Variants in PAX7 observed in about 807,000 individuals in gnomAD.
PAX7 encodes the protein paired box 7.
In PAX7, 18 loss-of-function variants were observed where a neutral mutation model predicts 50.7. The observed-to-expected ratio is 0.36, with a 90% confidence interval of 0.25 to 0.53. The LOEUF (loss-of-function observed/expected upper bound fraction) is 0.53, where lower values mean the gene tolerates loss of function less well. Ranked by LOEUF, PAX7 falls within the 20% of genes least tolerant of loss-of-function variation. The probability of loss-of-function intolerance (pLI) is 0.93; values close to 1 mark genes in which losing one functional copy is unlikely to be tolerated. For synonymous variants in PAX7, 310 were observed against 290.4 expected, an observed-to-expected ratio of 1.07 and a Z score of -0.69; for missense variants, 644 against 702.9, an observed-to-expected ratio of 0.92 and a Z score of 0.95.
At chr1:18,654,615 G>A (rs1485220855) in intron 4 of PAX7, among the ~76,000 whole-genome samples, 1 of 152,232 alleles carries the variant, frequency 6.6e-6, no homozygotes, top group Admixed American at 6.5e-5. Context: ...ACAACAGCGG[G>A]TGGGCTGCAA....
At chr1:18,721,422 G>T (rs2089492350) in intron 7 of PAX7, among the ~76,000 whole-genome samples, 1 of 152,282 alleles carries the variant, frequency 6.6e-6, no homozygotes, top group Admixed American at 6.5e-5. Flanking sequence ...TCCCTTCCTG[G>T]TTCCTCCCTC....
chr1:18,719,444 A>G (rs1442158440), intron 7 of PAX7, among the ~76,000 whole-genome samples: 1 of 152,232 alleles, frequency 6.6e-6, no homozygotes, highest in Non-Finnish European at 1.5e-5. Context: ...CTCGGAACCC[A>G]GCCCCTAGGC....
chr1:18,681,745 A>ATTTTAT (rs1570164566), intron 4 of PAX7, among the ~76,000 whole-genome samples: 4 of 41,860 alleles, frequency 9.6e-5, no homozygotes, highest in East Asian at 4.8e-4. Flanking sequence ...ATTTTATTTT[A>ATTTTAT]TTTTATTTTT....
intron 4 of PAX7, among the ~76,000 whole-genome samples, chr1:18,675,643 G>C (rs1447282689): frequency 6.6e-6 from 1 of 152,204 alleles, no homozygotes; most frequent in Non-Finnish European, 1.5e-5. Flanking sequence ...GAGACTCTTA[G>C]CCAGGAAGCC....
Position 18,673,993 on chromosome 1 carries a change from T to C in PAX7, c.587-17761T>C, listed in dbSNP as rs140206073. On this transcript the variant is annotated intron_variant, in intron 4 of 8. Transcript: ENST00000420770. ...AGGTGTCTGGTGTTGCATAAATACA[T>C]CTCTAATGAAATTATTGTACAAAAC... Among the ~76,000 whole-genome samples, 1,119 of 152,310 alleles carry C rather than the reference T, an allele frequency of 7.3e-3. 8 individuals carry two copies. Among genetic ancestry groups the C allele is most frequent in the Admixed American group, 0.014 (212 of 15,296 alleles).
chr1:18,736,088 T>A, intron 8 of PAX7: 2 of 842,394 alleles, frequency 2.4e-6, no homozygotes, highest in Middle Eastern at 2.2e-4. Context: ...GCTAAGCCTC[T>A]GCTTCCGTAC....
Position 18,631,657 on chromosome 1 carries a change from G to T in PAX7, c.54G>T (p.Gln18His). ...GAATGATGCGGCCGGCTCCGGGGCA[G>T]AACTACCCCCGCACGGGATTCCCTT... is the stretch of plus-strand genomic sequence containing the variant. ...VPRMMRPAPG[Q>H]NYPRTGFPLE... The change falls in exon 1 of 9, where the codon CAG becomes CAT. Residue 18 changes from glutamine to histidine, a missense_variant. Physicochemically the swap from Gln to His is conservative, Grantham distance 24. Transcript: ENST00000420770. The T allele has an allele frequency of 6.2e-7, 1 of 1,613,152 alleles. No homozygotes were observed. Among genetic ancestry groups the T allele is most frequent in the Non-Finnish European group, 8.5e-7 (1 of 1,179,890 alleles).
At chr1:18,668,263 A>G (rs2088697405) in intron 4 of PAX7, among the ~76,000 whole-genome samples, 1 of 152,104 alleles carries the variant, frequency 6.6e-6, no homozygotes, top group Non-Finnish European at 1.5e-5. Flanking sequence ...CCTGAGCCAC[A>G]CCCTCTGAAT....
intron 4 of PAX7, among the ~76,000 whole-genome samples, chr1:18,644,887 T>A (rs1200856227): frequency 6.6e-6 from 1 of 152,164 alleles, no homozygotes; most frequent in Non-Finnish European, 1.5e-5. Context: ...TGTGTGAATG[T>A]CTTCATTCAT....
chr1:18,734,670 T>A (rs76992289), intron 7 of PAX7, among the ~76,000 whole-genome samples: 2,162 of 152,258 alleles, frequency 0.014, 42 homozygotes, highest in African/African-American at 0.049. Context: ...ATAGATAAGA[T>A]GCCTGTATCA....
rs2100425599 is a variant in PAX7, at chr1:18,747,333, T to C, written c.*2404T>C. 1 of 229,098 alleles carries C rather than the reference T, an allele frequency of 4.4e-6. No individual in the cohort carries two copies. The highest frequency in any genetic ancestry group is 6.2e-5 in the East Asian group (1 of 16,098). 14.2% of individuals were successfully genotyped at this position (229,098 alleles called of 1,614,324 possible). On this transcript the variant is annotated 3_prime_UTR_variant, in exon 9 of 9. Coordinates refer to ENST00000420770, the MANE Select transcript of PAX7 (RefSeq NM_001135254.2). ...CTGCTTGGGAATAAACCAAATGATT[T>C]CTCATGACGTTGAACATAAGTTCTC...
chr1:18,634,951 G>A lies in PAX7; in HGVS notation c.322-160G>A, dbSNP rs183395495. Among the ~76,000 whole-genome samples the A allele has an allele frequency of 1.6e-3, 242 of 152,222 alleles. 1 individual carries two copies. The highest frequency in any genetic ancestry group is 0.012 in the South Asian group (58 of 4,822). On this transcript the variant is annotated intron_variant, in intron 2 of 8. Transcript: ENST00000420770. The surrounding 1 kb of genome is among the most constrained non-coding windows in gnomAD (Gnocchi z 4.0). The stretch of plus-strand genomic sequence containing the variant: ...GCTGCCTTCCTGGGAGCCAGGAACC[G>A]GTTTCTTGAAAGGATAAAGCCAATC...
chr1:18,748,758 G>A lies in PAX7; in HGVS notation c.*3829G>A, dbSNP rs1159596075. On this transcript the variant is annotated 3_prime_UTR_variant, in exon 9 of 9. Transcript: ENST00000420770. ...ACCATAATTTATTCAGCTATATGGA[G>A]TAGTAGACTAGAAAGAGAAACTGGT... The A allele has an allele frequency of 1.8e-5, 4 of 227,490 alleles. No individual in the cohort carries two copies. Among genetic ancestry groups the A allele is most frequent in the Non-Finnish European group, 2.6e-5 (3 of 114,582 alleles). 14.1% of individuals were successfully genotyped at this position (227,490 alleles called of 1,614,324 possible).
chr1:18,681,607 A>C (rs146588409), intron 4 of PAX7, among the ~76,000 whole-genome samples: 4 of 152,218 alleles, frequency 2.6e-5, no homozygotes, highest in Non-Finnish European at 5.9e-5. Flanking sequence ...TGCTGCTAGC[A>C]GAGAGCCAGG....
At chr1:18,639,704 G>A (rs75880151) in intron 4 of PAX7, among the ~76,000 whole-genome samples, 2,568 of 152,212 alleles carry the variant, frequency 0.017, 72 homozygotes, top group African/African-American at 0.058. Context: ...GTTTGCAATG[G>A]GTCAAACCGT....
chr1:18,709,887 T>C (rs1570207297), intron 7 of PAX7, among the ~76,000 whole-genome samples: 1 of 152,148 alleles, frequency 6.6e-6, no homozygotes, highest in African/African-American at 2.4e-5. Flanking sequence ...AATGGCAGAG[T>C]CAGGTTCAGA....
intron 5 of PAX7, among the ~76,000 whole-genome samples, chr1:18,692,712 C>T (rs767383560): frequency 2.4e-4 from 37 of 152,310 alleles, no homozygotes; most frequent in Non-Finnish European, 4.3e-4. Flanking sequence ...GTTCTGTTAC[C>T]GGAAGCATGC....
intron 4 of PAX7, among the ~76,000 whole-genome samples, chr1:18,688,703 C>T (rs1251914965): frequency 6.6e-6 from 1 of 152,126 alleles, no homozygotes; most frequent in African/African-American, 2.4e-5. Context: ...GAGTTCAAGA[C>T]CAGAGTTCGA....
chr1:18,699,045 C>T (rs1443175347), intron 5 of PAX7, among the ~76,000 whole-genome samples: 4 of 152,198 alleles, frequency 2.6e-5, no homozygotes, highest in African/African-American at 9.7e-5. Context: ...CCTTGTAGCC[C>T]CAGCCCCAGC....
Sources: allele counts gnomAD v4.1 joint callset (sites outside exome capture counted in the v4.1 genomes callset), GRCh38; gene constraint gnomAD v4.1.1; non-coding constraint Gnocchi (gnomAD v3.1); transcripts MANE v1.5; gene names NCBI Gene and HGNC (gene_info 2026-07-23, HGNC 2026-07-21).